P2RX7: variants seen among roughly 807,000 people sequenced by gnomAD.
P2RX7 encodes P2X purinoceptor 7.
In P2RX7, 62 loss-of-function variants were observed where a neutral mutation model predicts 71.6. That is an observed-to-expected ratio of 0.87 (90% CI 0.71 to 1.07). The LOEUF is 1.07. Among genes scored for constraint, P2RX7 ranks in the 50% least tolerant of loss-of-function variants. The pLI, the probability that P2RX7 is intolerant of heterozygous loss-of-function variation, is 0.00. For synonymous variants in P2RX7, 299 were observed against 283.3 expected (o/e 1.06, Z -0.56); for missense variants, 686 against 748.5 (o/e 0.92, Z 0.97).
chr12:121,166,887 C>CAA (rs59533773), intron 7 of P2RX7, among the ~76,000 whole-genome samples: 7,217 of 107,582 alleles, frequency 0.067, 212 homozygotes, highest in Non-Finnish European at 0.091. Context: ...ACTAAAAATA[C>CAA]AAAAAAAAAA....
chr12:121,149,176 A>G lies in P2RX7; in HGVS notation c.126-5609A>G. ...GATTGAGACTCTGAAGAACGACTTTATGGTGGGCACCTTCATCTCCATCTG... is the reference window on the plus strand; with the variant it reads ...GATTGAGACTCTGAAGAACGACTTTGTGGTGGGCACCTTCATCTCCATCTG... On this transcript the variant is annotated intron_variant, in intron 1 of 12. Coordinates refer to ENST00000328963, the MANE Select transcript of P2RX7 (RefSeq NM_002562.6). The surrounding 1 kb of genome is among the most constrained non-coding windows in gnomAD (Gnocchi z 4.7). 2.4e-6 allele frequency: 1 copy of G among 410,896 alleles called. No individual in the cohort carries two copies. Among genetic ancestry groups the G allele is most frequent in the South Asian group, 1.9e-5 (1 of 52,510 alleles). 25.5% of individuals were successfully genotyped at this position (410,896 alleles called of 1,614,324 possible).
intron 12 of P2RX7, among the ~76,000 whole-genome samples, chr12:121,181,150 G>T (rs973313847): frequency 3.3e-5 from 5 of 152,142 alleles, no homozygotes; most frequent in African/African-American, 1.2e-4. Context: ...TCTAAAAACT[G>T]AATCACGTAG....
intron 11 of P2RX7, among the ~76,000 whole-genome samples, chr12:121,179,225 G>A (rs1416723387): frequency 7.2e-5 from 11 of 152,056 alleles, no homozygotes; most frequent in African/African-American, 2.7e-4. Flanking sequence ...TTGGCTAGAC[G>A]TGGTGGCTCA....
intron 1 of P2RX7, among the ~76,000 whole-genome samples, chr12:121,142,829 C>G (rs1211922755): frequency 6.6e-6 from 1 of 152,142 alleles, no homozygotes; most frequent in Non-Finnish European, 1.5e-5. Flanking sequence ...TGGCTCATGC[C>G]TGTAATCTCA....
chr12:121,156,435 C>T (rs972495819), intron 3 of P2RX7, among the ~76,000 whole-genome samples: 6 of 152,228 alleles, frequency 3.9e-5, no homozygotes, highest in East Asian at 3.8e-4. Flanking sequence ...TGGCTCTCTT[C>T]GCAGCTTATG....
intron 5 of P2RX7, among the ~76,000 whole-genome samples, chr12:121,162,938 G>A (rs537568084): frequency 2.4e-4 from 37 of 152,068 alleles, no homozygotes; most frequent in South Asian, 8.3e-4. Context: ...AAAGAGAAGG[G>A]GAAGGGGAGG....
chr12:121,146,787 GACAGTGAGC>G (rs1309444360), intron 1 of P2RX7, among the ~76,000 whole-genome samples: 2 of 152,224 alleles, frequency 1.3e-5, no homozygotes, highest in Non-Finnish European at 2.9e-5. Context: ...GGGATGGACA[GACAGTGAGC>G]ACAGTGTTGA....
chr12:121,159,491 T>C (rs1879219713), intron 3 of P2RX7, among the ~76,000 whole-genome samples: 1 of 149,580 alleles, frequency 6.7e-6, no homozygotes, highest in Admixed American at 6.6e-5. Context: ...CTGGCCAAGG[T>C]CTCTCAGCTA....
Position 121,156,209 on chromosome 12 carries a change from G to A in P2RX7, c.363+62G>A, listed in dbSNP as rs558493447. 1.8e-4 allele frequency: 254 copies of A among 1,375,208 alleles called. 2 individuals carry two copies. The highest frequency in any genetic ancestry group is 1.2e-3 in the Middle Eastern group (6 of 5,068). 85.2% of individuals were successfully genotyped at this position (1,375,208 alleles called of 1,614,324 possible). Reference sequence around the variant, plus strand: ...AGAGTTCCTGGGGGAGGTGCAAGTCGGAAGAAGCAGAAATGCGGACCCTGG... The same window carrying A: ...AGAGTTCCTGGGGGAGGTGCAAGTCAGAAGAAGCAGAAATGCGGACCCTGG... On this transcript the variant is annotated intron_variant, in intron 3 of 12. Transcript: ENST00000328963.
At position 121,174,139 on chromosome 12, in the gene P2RX7, CTGGG is replaced by C. The variant is rs575150716; in HGVS notation, c.882-1247_882-1244del. On this transcript the variant is annotated intron_variant, in intron 8 of 12. Transcript: ENST00000328963. ...CTCGGCTCACTGTGACCTCCATCTCCTGGGTTCAAGTGATTCTCGTGCCTCAGCG... is the reference window on the plus strand; with the variant it reads ...CTCGGCTCACTGTGACCTCCATCTCCTTCAAGTGATTCTCGTGCCTCAGCG... 3.4e-5 allele frequency among the ~76,000 whole-genome samples: 5 copies of C among 144,950 alleles called. No homozygotes were observed. The Admixed American group carries it at 3.6e-4, about 10-fold the overall frequency.
intron 1 of P2RX7, among the ~76,000 whole-genome samples, chr12:121,139,799 A>G (rs191884038): frequency 6.9e-6 from 1 of 144,136 alleles, no homozygotes; most frequent in African/African-American, 2.7e-5. Context: ...CAGTGGCACG[A>G]TCTTGGCTCA....
In P2RX7 at chr12:121,149,835, G is replaced by C. The variant is rs1877025478; in HGVS notation, c.126-4950G>C. On this transcript the variant is annotated intron_variant, in intron 1 of 12. Transcript: ENST00000328963. This position sits in a 1 kb window ranked among gnomAD's most constrained non-coding sequence, Gnocchi z 4.7. ...TCCTCCTACCTCGGTCTAACAAGTA[G>C]CTGCGAATATAGGTGCACACCACCA... Among the ~76,000 whole-genome samples the C allele has an allele frequency of 6.6e-6, 1 of 152,086 alleles. No individual in the cohort carries two copies. Among genetic ancestry groups the C allele is most frequent in the African/African-American group, 2.4e-5 (1 of 41,414 alleles).
chr12:121,143,275 TC>T (rs1432685768), intron 1 of P2RX7, among the ~76,000 whole-genome samples: 2 of 150,734 alleles, frequency 1.3e-5, no homozygotes, highest in East Asian at 3.9e-4. Context: ...GTGCCTGTAA[TC>T]CCAGCTACTT....
chr12:121,154,649 G>T lies in P2RX7; in HGVS notation c.126-136G>T. 1 of 705,658 alleles carries T rather than the reference G, an allele frequency of 1.4e-6. No homozygotes were observed. Among genetic ancestry groups the T allele is most frequent in the South Asian group, 1.6e-5 (1 of 62,926 alleles). 43.7% of individuals were successfully genotyped at this position (705,658 alleles called of 1,614,324 possible). A position where few individuals can be genotyped will look rare whatever the true frequency, so the allele number is the denominator to read the frequency against. ...GACTATTCTTCCCATTATCCAGAGA[G>T]GGAAAACAAGTCACACGGAAGCAAG... is the stretch of plus-strand genomic sequence containing the variant. On this transcript the variant is annotated intron_variant, in intron 1 of 12. Coordinates refer to ENST00000328963, the MANE Select transcript of P2RX7 (RefSeq NM_002562.6). This position sits in a 1 kb window ranked among gnomAD's most constrained non-coding sequence, Gnocchi z 4.2.
In P2RX7 at chr12:121,167,092, A is replaced by G. The variant is rs147517813; in HGVS notation, c.745-396A>G. 2.6e-5 allele frequency among the ~76,000 whole-genome samples: 4 copies of G among 152,112 alleles called. 1 individual carries two copies. The highest frequency in any genetic ancestry group is 9.6e-5 in the African/African-American group (4 of 41,512). ...AAATCCTTCATGTATTCGCATCTGC[A>G]AAGAGCTTTCCCTAGGGGAGTACTA... On this transcript the variant is annotated intron_variant, in intron 7 of 12. Transcript: ENST00000328963.
At chr12:121,169,027 G>A (rs1881665544) in intron 8 of P2RX7, among the ~76,000 whole-genome samples, 1 of 151,966 alleles carries the variant, frequency 6.6e-6, no homozygotes, top group Admixed American at 6.6e-5. Context: ...TGGACCGGGT[G>A]CAATTATAGC....
rs759257365 is a variant in P2RX7, at chr12:121,184,492, G to A, written c.1478G>A (p.Cys493Tyr). The A allele has an allele frequency of 1.4e-5, 23 of 1,614,078 alleles. No individual in the cohort carries two copies. Among genetic ancestry groups the A allele is most frequent in the Non-Finnish European group, 1.9e-5 (22 of 1,180,022 alleles). Reference sequence around the variant, plus strand: ...TCTCAACTCCCTGAGAGCCACAGGTGCCTGGAGGAGCTGTGCTGCCGGAAA... The same window carrying A: ...TCTCAACTCCCTGAGAGCCACAGGTACCTGGAGGAGCTGTGCTGCCGGAAA... ...LPSQLPESHR[C>Y]LEELCCRKKP... Residue 493 changes from cysteine (C) to tyrosine (Y), a missense_variant, in exon 13 of 13, where the codon TGC becomes TAC. Coordinates refer to ENST00000328963, the MANE Select transcript of P2RX7 (RefSeq NM_002562.6).
intron 8 of P2RX7, among the ~76,000 whole-genome samples, chr12:121,169,504 T>C (rs1032565370): frequency 6.6e-6 from 1 of 152,214 alleles, no homozygotes; most frequent in Admixed American, 6.5e-5. Flanking sequence ...CTGTGTGTTA[T>C]GGAGTATTCC....
chr12:121,157,249 C>A (rs761497855), intron 3 of P2RX7, among the ~76,000 whole-genome samples: 14 of 152,276 alleles, frequency 9.2e-5, no homozygotes, highest in Non-Finnish European at 1.8e-4. Context: ...ACCAGCCCTG[C>A]CGGTGGAGTT....
Sources: gnomAD v4.1 joint callset for allele counts (sites outside exome capture counted in the v4.1 genomes callset) on GRCh38, gnomAD v4.1.1 for gene constraint, Gnocchi (gnomAD v3.1) non-coding constraint, MANE v1.5 for transcripts, NCBI Gene and HGNC (gene_info 2026-07-23, HGNC 2026-07-21) for gene names.